Variants in USP16 observed in about 807,000 individuals in gnomAD.
The protein encoded by USP16 is ubiquitin specific peptidase 16.
Under a neutral mutation model 95.9 loss-of-function variants are expected in USP16, and 77 were observed. The ratio of observed to expected loss-of-function variants is 0.80; its 90% CI spans 0.67 to 0.97. The LOEUF is 0.97. Ranked by LOEUF, USP16 falls within the 50% of genes least tolerant of loss-of-function variation. The probability of loss-of-function intolerance (pLI) is 0.00; values close to 1 mark genes in which losing one functional copy is unlikely to be tolerated. For synonymous variants in USP16, 303 were observed against 318.2 expected (o/e 0.95, Z 0.51); for missense variants, 943 against 959.9 (o/e 0.98, Z 0.23).
chr21:29,041,940 T>C (rs758899913), intron 10 of USP16, 73 bp from the exon 11 acceptor site: 2 of 1,232,374 alleles, frequency 1.6e-6, no homozygotes, highest in Middle Eastern at 2.7e-4. Flanking sequence ...GATAGGTAAG[T>C]AGTTTTAGCT....
chr21:29,027,307 TACG>T (rs2146355931), intron 1 of USP16, among the ~76,000 whole-genome samples: 1 of 152,390 alleles, frequency 6.6e-6, no homozygotes, highest in African/African-American at 2.4e-5. Context: ...ATTTAGCTGA[TACG>T]CATAGGAAAT....
At chr21:29,031,942 G>A (rs892906420) in intron 3 of USP16, among the ~76,000 whole-genome samples, 4 of 152,240 alleles carry the variant, frequency 2.6e-5, no homozygotes, top group African/African-American at 4.8e-5. Flanking sequence ...CAGATCTCCT[G>A]AGTTTGACTT....
rs747897321 is a variant in USP16, at chr21:29,047,189, A to G, written c.1879A>G (p.Asn627Asp). Reference sequence around the variant, plus strand: ...TACTCTTGCAAACAGGGAAGTTTTCAATACTGATGAGTGTTCAATCCAACA... The same window carrying G: ...TACTCTTGCAAACAGGGAAGTTTTCGATACTGATGAGTGTTCAATCCAACA... ...FCTLANREVF[N>D]TDECSIQHCL... Residue 627 changes from asparagine (N) to aspartate (D), a missense_variant, in exon 14 of 18, where the codon AAT becomes GAT. Physicochemically the swap from Asn to Asp is conservative, Grantham distance 23 (BLOSUM62 1). Transcript: ENST00000399976. The G allele has an allele frequency of 2.1e-5, 34 of 1,614,074 alleles. No individual in the cohort carries two copies. The highest frequency in any genetic ancestry group is 2.5e-5 in the Non-Finnish European group (30 of 1,180,026).
At chr21:29,049,640 G>A (rs2085383811) in intron 15 of USP16, among the ~76,000 whole-genome samples, 1 of 152,130 alleles carries the variant, frequency 6.6e-6, no homozygotes, top group African/African-American at 2.4e-5. Context: ...GCTCACTGAA[G>A]GTTTGACCTC....
chr21:29,043,308 A>G (rs2832157), intron 12 of USP16, 115 bp from the exon 13 acceptor site: 159,399 of 695,662 alleles, frequency 0.23, 19,048 homozygotes, highest in South Asian at 0.24. Context: ...AATATTGTGG[A>G]AAAAAAAAGC....
At chr21:29,040,252 G>C (rs753132155) in intron 9 of USP16, among the ~76,000 whole-genome samples, 1 of 152,102 alleles carries the variant, frequency 6.6e-6, no homozygotes, top group Non-Finnish European at 1.5e-5. Flanking sequence ...AGAAATAATG[G>C]AGCTGGGCTT....
chr21:29,026,979 A>G (rs967483696), intron 1 of USP16, among the ~76,000 whole-genome samples: 1 of 152,178 alleles, frequency 6.6e-6, no homozygotes, highest in Non-Finnish European at 1.5e-5. Context: ...AATGCTTCCG[A>G]TCAAGAGAGT....
At chr21:29,037,573 AG>A (rs376051518) in intron 6 of USP16, 110 bp downstream of exon 6, 2 of 806,958 alleles carry the variant, frequency 2.5e-6, no homozygotes, top group Non-Finnish European at 1.8e-6. Flanking sequence ...ATGTATCCAA[AG>A]AAAACTTTTT....
At position 29,046,794 on chromosome 21, in the gene USP16, C is replaced by T; in HGVS notation, c.1484C>T (p.Ser495Phe). 1 of 1,614,022 alleles carries T rather than the reference C, an allele frequency of 6.2e-7. No individual in the cohort carries two copies. Among genetic ancestry groups the T allele is most frequent in the South Asian group, 1.1e-5 (1 of 91,068 alleles). Residue 495 changes from serine (S) to phenylalanine (F), a missense_variant, in exon 14 of 18, where the codon TCC (serine) becomes TTC (phenylalanine). Ser to Phe is a radical substitution (Grantham distance 155). Transcript: ENST00000399976. ...MSLQGEVNIKSNHISQEGVMH... is the reference protein window; with the variant it reads ...MSLQGEVNIKFNHISQEGVMH... ...CTTCAAGGAGAAGTAAATATTAAATCCAACCATATTTCACAAGAGGGTGTT... is the reference window on the plus strand; with the variant it reads ...CTTCAAGGAGAAGTAAATATTAAATTCAACCATATTTCACAAGAGGGTGTT...
Position 29,047,144 on chromosome 21 carries a change from G to C in USP16, c.1834G>C (p.Asp612His), listed in dbSNP as rs1316567104. The change falls in exon 14 of 18, where the codon GAT (aspartate) becomes CAT (histidine). Residue 612 changes from aspartate to histidine, a missense_variant. Asp to His is a moderately conservative substitution (Grantham distance 81). Coordinates refer to ENST00000399976, the MANE Select transcript of USP16 (RefSeq NM_006447.3). ...AAAGGTGTATGAGGTTGTAAATGAA[G>C]ATCCAGAAACTGCTTTCTGTACTCT... ...GTKVYEVVNE[D>H]PETAFCTLAN... The C allele has an allele frequency of 6.2e-7, 1 of 1,614,082 alleles. No individual in the cohort carries two copies. Among genetic ancestry groups the C allele is most frequent in the South Asian group, 1.1e-5 (1 of 91,072 alleles).
intron 16 of USP16, among the ~76,000 whole-genome samples, chr21:29,050,556 A>C (rs1462366116): frequency 6.6e-6 from 1 of 152,230 alleles, no homozygotes; most frequent in Non-Finnish European, 1.5e-5. Flanking sequence ...TTTGTAAAGT[A>C]AACCATGCCT....
Position 29,038,394 on chromosome 21 carries a change from A to G in USP16, c.696A>G (p.Thr232=), listed in dbSNP as rs776568877. The G allele has an allele frequency of 1.2e-6, 2 of 1,612,966 alleles. No homozygotes were observed. Among genetic ancestry groups the G allele is most frequent in the South Asian group, 1.1e-5 (1 of 90,982 alleles). ...ELLKEVKMSG[T]IVKIEPPDLA... The stretch of plus-strand genomic sequence containing the variant: ...TAAAAGAAGTGAAAATGTCTGGAAC[A>G]ATTGTAAAAATTGAACCACCTGATT... The change falls in exon 7 of 18, where the codon ACA becomes ACG. Residue 232 remains threonine (T), a synonymous_variant. Transcript: ENST00000399976.
intron 2 of USP16, 149 bp downstream of exon 2, chr21:29,028,123 CTTTTT>C (rs35801969): frequency 7.0e-6 from 3 of 430,338 alleles, no homozygotes; most frequent in Admixed American, 8.5e-5. Context: ...TAGTCTTCTA[CTTTTT>C]TTTTTTTTTT....
chr21:29,047,408 G>A, intron 14 of USP16, 87 bp downstream of exon 14: 2 of 1,379,826 alleles, frequency 1.4e-6, no homozygotes, highest in South Asian at 2.9e-5. Flanking sequence ...ATTGTATCAG[G>A]ATTTGGATGG....
In USP16 at chr21:29,045,490, C is replaced by T. The variant is rs574491429; in HGVS notation, c.1357-1177C>T. On this transcript the variant is annotated intron_variant, in intron 13 of 17. Coordinates refer to ENST00000399976, the MANE Select transcript of USP16 (RefSeq NM_006447.3). ...TTTGCTAACTTCAGGCCATTTTTTT[C>T]CCAGAATACTTTTGTCCATTCCTCT... Among the ~76,000 whole-genome samples, 278 of 152,208 alleles carry T rather than the reference C, an allele frequency of 1.8e-3. 1 individual carries two copies. Among genetic ancestry groups the T allele is most frequent in the African/African-American group, 6.1e-3 (254 of 41,538 alleles).
chr21:29,039,865 T>C (rs919906886), intron 9 of USP16, among the ~76,000 whole-genome samples: 15 of 152,334 alleles, frequency 9.8e-5, no homozygotes, highest in South Asian at 4.1e-4. Flanking sequence ...ATATTGGAAA[T>C]TGTTTCTCCC....
In USP16 at chr21:29,032,443, G is replaced by T. The variant is rs145760670; in HGVS notation, c.240+1670G>T. On this transcript the variant is annotated intron_variant, in intron 3 of 17. Coordinates refer to ENST00000399976, the MANE Select transcript of USP16 (RefSeq NM_006447.3). Reference sequence around the variant, plus strand: ...GATGCGGTTTTGGTATACTGCCCAGGCTGGTCTTGAACTCCTGGGCTCAAG... The same window carrying T: ...GATGCGGTTTTGGTATACTGCCCAGTCTGGTCTTGAACTCCTGGGCTCAAG... Among the ~76,000 whole-genome samples the T allele has an allele frequency of 4.4e-3, 676 of 152,144 alleles. 1 individual carries two copies. Among genetic ancestry groups the T allele is most frequent in the Middle Eastern group, 0.02 (6 of 294 alleles).
At chr21:29,032,379 A>G (rs538609838) in intron 3 of USP16, among the ~76,000 whole-genome samples, 6 of 152,062 alleles carry the variant, frequency 3.9e-5, no homozygotes, top group African/African-American at 1.4e-4. Flanking sequence ...CTACACCTGC[A>G]TGCCACCACT....
chr21:29,031,461 T>C (rs2085075213), intron 3 of USP16, among the ~76,000 whole-genome samples: 1 of 152,124 alleles, frequency 6.6e-6, no homozygotes, highest in Admixed American at 6.5e-5. Context: ...TTTTTTGAGA[T>C]GGGGTCTCAC....
Sources: gnomAD v4.1 joint callset for allele counts (sites outside exome capture counted in the v4.1 genomes callset) on GRCh38, gnomAD v4.1.1 for gene constraint, MANE v1.5 for transcripts, NCBI Gene and HGNC (gene_info 2026-07-23, HGNC 2026-07-21) for gene names.